Variants in MSI2 observed in about 807,000 individuals in gnomAD.
MSI2 encodes RNA-binding protein Musashi homolog 2.
MSI2 carries 17 observed loss-of-function variants against 45.6 expected under a neutral mutation model. The ratio of observed to expected loss-of-function variants is 0.37; its 90% CI spans 0.26 to 0.56. The LOEUF is 0.56. Among genes scored for constraint, MSI2 ranks in the 20% least tolerant of loss-of-function variants. The pLI, the probability that MSI2 is intolerant of heterozygous loss-of-function variation, is 0.77. For synonymous variants in MSI2, 156 were observed against 158.2 expected (o/e 0.99, Z 0.11); for missense variants, 293 against 444.2 (o/e 0.66, Z 3.06).
chr17:57,305,845 T>C (rs903262481), intron 5 of MSI2, among the ~76,000 whole-genome samples: 4 of 152,192 alleles, frequency 2.6e-5, no homozygotes, highest in South Asian at 2.1e-4. Context: ...CAAGGTACTG[T>C]GAAAAGCTCT....
chr17:57,614,758 G>A (rs577543143), intron 8 of MSI2, among the ~76,000 whole-genome samples: 25 of 152,252 alleles, frequency 1.6e-4, no homozygotes, highest in Non-Finnish European at 2.4e-4. Context: ...GGCCTAAGGC[G>A]CTCTGGTAAA....
chr17:57,625,432 C>CT (rs1908707150), intron 9 of MSI2: 1 of 152,310 alleles, frequency 6.6e-6, no homozygotes, highest in African/African-American at 2.4e-5. Context: ...ACTCTGACTC[C>CT]TGTTGCCGAG....
intron 13 of MSI2, among the ~76,000 whole-genome samples, chr17:57,677,593 A>G (rs1190112128): frequency 1.3e-5 from 2 of 152,216 alleles, no homozygotes; most frequent in African/African-American, 4.8e-5. Flanking sequence ...GCCAGACTCC[A>G]TCTTTTAGTG....
intron 10 of MSI2, among the ~76,000 whole-genome samples, chr17:57,651,105 C>T (rs558473018): frequency 2.0e-5 from 3 of 152,246 alleles, no homozygotes; most frequent in Admixed American, 1.3e-4. Flanking sequence ...TGTCCCAGCA[C>T]GAGGCTGTGC....
intron 5 of MSI2, among the ~76,000 whole-genome samples, chr17:57,360,775 A>T (rs1394277381): frequency 6.6e-6 from 1 of 152,262 alleles, no homozygotes; most frequent in Non-Finnish European, 1.5e-5. Context: ...TTAATTTAAG[A>T]CAGAACCAGA....
At chr17:57,527,608 A>T (rs947418151) in intron 6 of MSI2, among the ~76,000 whole-genome samples, 4 of 152,252 alleles carry the variant, frequency 2.6e-5, no homozygotes, top group Non-Finnish European at 5.9e-5. Flanking sequence ...CCACCATGCC[A>T]GGCCATTTTC....
intron 3 of MSI2, among the ~76,000 whole-genome samples, chr17:57,258,052 C>T (rs898662794): frequency 6.6e-6 from 1 of 152,080 alleles, no homozygotes; most frequent in African/African-American, 2.4e-5. Flanking sequence ...GTTACCTCCA[C>T]CCTCCCTGCC....
At chr17:57,320,331 CCT>C (rs1567755352) in intron 5 of MSI2, among the ~76,000 whole-genome samples, 1 of 152,038 alleles carries the variant, frequency 6.6e-6, no homozygotes, top group Non-Finnish European at 1.5e-5. Context: ...CTGCTTTTTG[CCT>C]CTCTTGGGGA....
chr17:57,294,110 A>G lies in MSI2; in HGVS notation c.312+31918A>G, dbSNP rs181514496. 2.8e-4 allele frequency among the ~76,000 whole-genome samples: 42 copies of G among 152,178 alleles called. 1 individual carries two copies. Among genetic ancestry groups the G allele is most frequent in the Admixed American group, 7.2e-4 (11 of 15,288 alleles). On this transcript the variant is annotated intron_variant, in intron 5 of 13. Coordinates refer to ENST00000284073, the MANE Select transcript of MSI2 (RefSeq NM_138962.4). ...TGGAGGGGACCCTGCAGATGTCCCT[A>G]TGTTCTGGAGGCGGACTTGTTTATT...
rs116473742 is a variant in MSI2 at position 57,494,774 on chromosome 17, G to A, written c.406-34902G>A. 8.1e-3 allele frequency among the ~76,000 whole-genome samples: 1,227 copies of A among 152,230 alleles called. 17 individuals are homozygous for A. The highest frequency in any genetic ancestry group is 0.028 in the African/African-American group (1,147 of 41,530). Reference sequence around the variant, plus strand: ...CACACCTGGTCTATGGCCATGGCACGTGGTCATTCAGCAAACGCTGAACAC... The same window carrying A: ...CACACCTGGTCTATGGCCATGGCACATGGTCATTCAGCAAACGCTGAACAC... On this transcript the variant is annotated intron_variant, in intron 6 of 13. Transcript: ENST00000284073.
chr17:57,361,956 C>A (rs1213426888), intron 5 of MSI2, among the ~76,000 whole-genome samples: 1 of 152,172 alleles, frequency 6.6e-6, no homozygotes, highest in African/African-American at 2.4e-5. Context: ...TTACATATTT[C>A]TACAAATTAT....
chr17:57,306,464 C>T (rs191260156), intron 5 of MSI2, among the ~76,000 whole-genome samples: 109 of 152,308 alleles, frequency 7.2e-4, no homozygotes, highest in African/African-American at 2.5e-3. Context: ...GACACGTCCT[C>T]CCCACATTAT....
At chr17:57,425,548 C>T (rs2143331508) in intron 6 of MSI2, among the ~76,000 whole-genome samples, 1 of 152,240 alleles carries the variant, frequency 6.6e-6, no homozygotes, top group South Asian at 2.1e-4. Flanking sequence ...GGCATTTTTC[C>T]ATGTGATTGT....
chr17:57,435,143 A>G (rs774708006), intron 6 of MSI2, among the ~76,000 whole-genome samples: 1 of 152,016 alleles, frequency 6.6e-6, no homozygotes, highest in Non-Finnish European at 1.5e-5. Flanking sequence ...TTGAGTTGCA[A>G]CTTGGGGCTA....
At chr17:57,260,356 G>A (rs1260699940) in intron 4 of MSI2, among the ~76,000 whole-genome samples, 1 of 152,026 alleles carries the variant, frequency 6.6e-6, no homozygotes, top group Non-Finnish European at 1.5e-5. Context: ...TGGCTTTTTC[G>A]TTTTGTGATT....
chr17:57,682,162 T>A lies in MSI2; in HGVS notation c.*2645T>A, dbSNP rs1913644511. 1 of 193,392 alleles carries A rather than the reference T, an allele frequency of 5.2e-6. No individual in the cohort carries two copies. The highest frequency in any genetic ancestry group is 8.3e-5 in the East Asian group (1 of 12,066). 12.0% of individuals were successfully genotyped at this position (193,392 alleles called of 1,614,324 possible). ...TAAGGATAGAACTTTCTCTTATTTA[T>A]GAAAAAAAATGCTAATAATTTTGGG... On this transcript the variant is annotated 3_prime_UTR_variant, in exon 14 of 14. Coordinates refer to ENST00000284073, the MANE Select transcript of MSI2 (RefSeq NM_138962.4).
At chr17:57,430,000 T>C (rs2084565897) in intron 6 of MSI2, among the ~76,000 whole-genome samples, 1 of 152,186 alleles carries the variant, frequency 6.6e-6, no homozygotes, top group African/African-American at 2.4e-5. Flanking sequence ...ATTGGGAGTC[T>C]TAAGGGAAAC....
intron 6 of MSI2, among the ~76,000 whole-genome samples, chr17:57,433,219 T>C (rs2084630777): frequency 6.6e-6 from 1 of 152,188 alleles, no homozygotes; most frequent in South Asian, 2.1e-4. Context: ...GGTTGAATGG[T>C]GTTCTCTCCC....
chr17:57,463,117 A>T (rs1207402434), intron 6 of MSI2, among the ~76,000 whole-genome samples: 1 of 152,174 alleles, frequency 6.6e-6, no homozygotes, highest in African/African-American at 2.4e-5. Context: ...GGATATAGAT[A>T]GATACCTGTG....
Sources: gnomAD v4.1 joint callset for allele counts (sites outside exome capture counted in the v4.1 genomes callset) on GRCh38, gnomAD v4.1.1 for gene constraint, MANE v1.5 for transcripts, NCBI Gene and HGNC (gene_info 2026-07-23, HGNC 2026-07-21) for gene names.